Variants in CATSPERD observed in about 807,000 individuals in gnomAD.
CATSPERD encodes the protein catsper channel auxiliary subunit delta, also known as cation channel sperm-associated auxiliary subunit delta.
A neutral mutation model predicts 98.1 loss-of-function variants in CATSPERD; 86 were observed. The observed-to-expected ratio is 0.88, with a 90% CI of 0.74 to 1.05. CATSPERD has a LOEUF of 1.05. CATSPERD is among the 50% of genes least tolerant of loss of function. The probability of loss-of-function intolerance (pLI) is 0.00; values close to 1 mark genes in which losing one functional copy is unlikely to be tolerated. For synonymous variants in CATSPERD, 394 were observed against 390.2 expected, an observed-to-expected ratio of 1.01 and a Z score of -0.12; for missense variants, 995 against 1,005.7, an observed-to-expected ratio of 0.99 and a Z score of 0.14.
At chr19:5,739,480 G>T in intron 7 of CATSPERD, 41 bp downstream of exon 7, 2 of 1,139,432 alleles carry the variant, frequency 1.8e-6, no homozygotes, top group Non-Finnish European at 1.3e-6. Context: ...AAATACATAT[G>T]TACCTTGTGA....
At chr19:5,760,073 C>CAAAAAA (rs60075484) in intron 15 of CATSPERD, among the ~76,000 whole-genome samples, 2 of 48,494 alleles carry the variant, frequency 4.1e-5, no homozygotes, top group Non-Finnish European at 6.7e-5. Flanking sequence ...GACTCCATCT[C>CAAAAAA]AAAAAAAAAA....
intron 15 of CATSPERD, among the ~76,000 whole-genome samples, chr19:5,761,290 C>T (rs963683312): frequency 1.2e-4 from 19 of 152,114 alleles, no homozygotes; most frequent in East Asian, 3.9e-4. Context: ...TTACTAGAGA[C>T]GGGGTTTCAC....
chr19:5,768,597 A>C (rs2056587957), intron 18 of CATSPERD, among the ~76,000 whole-genome samples: 1 of 151,596 alleles, frequency 6.6e-6, no homozygotes, highest in Admixed American at 6.6e-5. Flanking sequence ...CAGCCTCCCA[A>C]AGTGCTGGGA....
chr19:5,756,232 G>A (rs1002656475), intron 13 of CATSPERD, among the ~76,000 whole-genome samples: 1 of 150,498 alleles, frequency 6.6e-6, no homozygotes, highest in Admixed American at 6.7e-5. Context: ...AGTGAGCTGA[G>A]ACCATGCCAC....
At chr19:5,742,021 G>T (rs529128139) in intron 7 of CATSPERD, among the ~76,000 whole-genome samples, 4 of 150,656 alleles carry the variant, frequency 2.7e-5, no homozygotes, top group Non-Finnish European at 4.4e-5. Context: ...GGGTGACAGA[G>T]TGAAACTCTG....
chr19:5,747,831 C>G (rs1409186211), intron 9 of CATSPERD, among the ~76,000 whole-genome samples: 2 of 151,990 alleles, frequency 1.3e-5, no homozygotes, highest in Non-Finnish European at 2.9e-5. Context: ...AGCCTGATCT[C>G]GAACTCCTGA....
At chr19:5,757,250 A>G (rs536285338) in intron 13 of CATSPERD, among the ~76,000 whole-genome samples, 1 of 152,008 alleles carries the variant, frequency 6.6e-6, no homozygotes, top group African/African-American at 2.4e-5. Context: ...ACTCCATCTC[A>G]AAAATAAAGA....
chr19:5,736,733 T>G (rs747336114), intron 5 of CATSPERD, among the ~76,000 whole-genome samples: 4 of 150,206 alleles, frequency 2.7e-5, no homozygotes, highest in Non-Finnish European at 5.9e-5. Context: ...AGAGGGGGAC[T>G]CTCTCTCAAA....
rs199994658 is a variant in CATSPERD, at chr19:5,772,824, C to T, written c.1800C>T (p.Ala600=). The change falls in exon 20 of 22, where the codon GCC becomes GCT. Residue 600 remains alanine, a synonymous_variant. Coordinates refer to ENST00000381624, the MANE Select transcript of CATSPERD (RefSeq NM_152784.4). The stretch of plus-strand genomic sequence containing the variant: ...ACAGTTTCCAGGAGGTCATCGACGC[C>T]GAGTATGTGTTACTGGAGGTGAACG... ...RKDSFQEVID[A]EYVLLEVNGQ... is the part of the protein sequence containing the mutation. 26 of 1,613,958 alleles carry T rather than the reference C, an allele frequency of 1.6e-5. No homozygotes were observed. The highest frequency in any genetic ancestry group is 1.2e-4 in the Admixed American group (7 of 59,982).
At chr19:5,774,080 G>A (rs2056698308) in intron 20 of CATSPERD, among the ~76,000 whole-genome samples, 2 of 144,570 alleles carry the variant, frequency 1.4e-5, no homozygotes, top group South Asian at 2.3e-4. Flanking sequence ...CAATTCTCCC[G>A]CCTCAGCCTC....
rs751971605 is a variant in CATSPERD at position 5,768,142 on chromosome 19, T to TG, written c.1560-25dup. 3 of 1,606,878 alleles carry TG rather than the reference T, an allele frequency of 1.9e-6. No individual in the cohort carries two copies. The Admixed American group carries it at 5.0e-5, about 27-fold the overall frequency. ...TTGGTTCTTTGTGAGGTCATGCCAT[T>TG]GCTCAATGTCCACTTTTGCTTGCAG... On this transcript the variant is annotated intron_variant, in intron 17 of 21. Transcript: ENST00000381624.
rs949123983 is a variant in CATSPERD at position 5,759,131 on chromosome 19, A to G, written c.1414A>G (p.Asn472Asp). 3 of 1,613,832 alleles carry G rather than the reference A, an allele frequency of 1.9e-6. No individual in the cohort carries two copies. The African/African-American group carries it at 4.0e-5, about 22-fold the overall frequency. The change falls in exon 15 of 22, where the codon AAC (asparagine) becomes GAC (aspartate). Residue 472 changes from asparagine (N) to aspartate (D), a missense_variant. By Grantham distance (23) the Asn-to-Asp change is conservative. This residue lies in a region of CATSPERD where 762 missense variants were observed against 773.7 expected (regional missense o/e 0.98). Transcript: ENST00000381624. ...QQQHWGRTDSNFTSSLKKATM... is the reference protein window; with the variant it reads ...QQQHWGRTDSDFTSSLKKATM... Reference sequence around the variant, plus strand: ...GCAGCACTGGGGCAGGACCGACTCCAACTTCACTTCCAGGTATGTTGTCTC... The same window carrying G: ...GCAGCACTGGGGCAGGACCGACTCCGACTTCACTTCCAGGTATGTTGTCTC...
chr19:5,749,084 T>G lies in CATSPERD; in HGVS notation c.905-17T>G. 6.2e-7 allele frequency: 1 copy of G among 1,608,144 alleles called. No homozygotes were observed. The highest frequency in any genetic ancestry group is 8.5e-7 in the Non-Finnish European group (1 of 1,175,778). On this transcript the variant is annotated splice_polypyrimidine_tract_variant and intron_variant, in intron 10 of 21. Transcript: ENST00000381624. ...CAGCATTTCAATTTTTGTTTTGTCT[T>G]GTTTTGTTTTTCCCAGCTGAAAATG...
At chr19:5,756,145 G>T (rs912409032) in intron 13 of CATSPERD, among the ~76,000 whole-genome samples, 8 of 152,018 alleles carry the variant, frequency 5.3e-5, no homozygotes, top group Non-Finnish European at 1.5e-5. Context: ...GCCGGGTGTG[G>T]TGGCACATGC....
At position 5,737,033 on chromosome 19, in the gene CATSPERD, GGCGACAGA is replaced by G. The variant is rs1284341631; in HGVS notation, c.392-102_392-95del. 4.7e-6 allele frequency: 3 copies of G among 634,554 alleles called. No homozygotes were observed. The African/African-American group carries it at 5.6e-5, about 12-fold the overall frequency. 39.3% of individuals were successfully genotyped at this position (634,554 alleles called of 1,614,324 possible). A position where few individuals can be genotyped will look rare whatever the true frequency, so the allele number is the denominator to read the frequency against. ...GATCACGCCACTGCACTTCAGCCTGGGCGACAGAGCAAGACTCTGTCTCAAAAACAAAA... is the reference window on the plus strand; with the variant it reads ...GATCACGCCACTGCACTTCAGCCTGGGCAAGACTCTGTCTCAAAAACAAAA... On this transcript the variant is annotated intron_variant, in intron 5 of 21. Transcript: ENST00000381624.
chr19:5,741,955 C>T (rs2145739171), intron 7 of CATSPERD, among the ~76,000 whole-genome samples: 1 of 151,496 alleles, frequency 6.6e-6, no homozygotes, highest in East Asian at 1.9e-4. Flanking sequence ...GTCACTTGAA[C>T]TTGGGAGGTG....
Position 5,762,058 on chromosome 19 carries a change from A to ATATATATTTTTTTT in CATSPERD, c.1428-1156_1428-1155insATATATTTTTTTTT. ...TGGCCTGCCATATATATATATATAT[A>ATATATATTTTTTTT]TTTTTTTTTTTTTTTTTTTTTTTGA... is the stretch of plus-strand genomic sequence containing the variant. On this transcript the variant is annotated intron_variant, in intron 15 of 21. Transcript: ENST00000381624. 9.6e-4 allele frequency among the ~76,000 whole-genome samples: 10 copies of ATATATATTTTTTTT among 10,436 alleles called. 1 individual carries two copies. The highest frequency in any genetic ancestry group is 1.6e-3 in the African/African-American group (5 of 3,050). 6.8% of individuals were successfully genotyped at this position (10,436 alleles called of 152,430 possible). A position where few individuals can be genotyped will look rare whatever the true frequency, so the allele number is the denominator to read the frequency against.
intron 19 of CATSPERD, 140 bp from the exon 20 acceptor site, chr19:5,772,648 G>A (rs994282397): frequency 3.8e-6 from 3 of 779,770 alleles, no homozygotes; most frequent in Non-Finnish European, 6.2e-6. Flanking sequence ...CCTCAGCTGG[G>A]AGCGGCAGGC....
At chr19:5,756,323 T>G (rs1013551851) in intron 13 of CATSPERD, among the ~76,000 whole-genome samples, 1 of 151,638 alleles carries the variant, frequency 6.6e-6, no homozygotes, top group East Asian at 1.9e-4. Flanking sequence ...AATAAAAAAT[T>G]TAAAAGTAGG....
Sources: gnomAD v4.1 joint callset for allele counts (sites outside exome capture counted in the v4.1 genomes callset) on GRCh38, gnomAD v4.1.1 for gene constraint, gnomAD v4.1.1 regional missense constraint, MANE v1.5 for transcripts, NCBI Gene and HGNC (gene_info 2026-07-23, HGNC 2026-07-21) for gene names.